Variants in DACH1 observed in about 807,000 individuals in gnomAD.
DACH1 encodes the protein dachshund homolog 1.
In DACH1, 12 loss-of-function variants were observed where a neutral mutation model predicts 54.2. The ratio of observed to expected loss-of-function variants is 0.22; its 90% CI spans 0.14 to 0.36. The LOEUF (loss-of-function observed/expected upper bound fraction) is 0.36. Ranked by LOEUF, DACH1 falls within the 10% of genes least tolerant of loss-of-function variation. The pLI is 1.00. For missense variants in DACH1, 805 were observed against 929.8 expected (o/e 0.87, Z 1.75); for synonymous variants, 386 against 366.2 (o/e 1.05, Z -0.62).
chr13:71,547,401 G>A (rs1171531871), intron 6 of DACH1, among the ~76,000 whole-genome samples: 1 of 152,038 alleles, frequency 6.6e-6, no homozygotes, highest in East Asian at 1.9e-4. Flanking sequence ...TCCCATGAAA[G>A]GTGCTTTTGG....
At chr13:71,449,800 A>G (rs960746396) in intron 10 of DACH1, among the ~76,000 whole-genome samples, 9 of 151,858 alleles carry the variant, frequency 5.9e-5, no homozygotes, top group African/African-American at 1.9e-4. Context: ...CCGCTTTTAT[A>G]TATTTTTTCA....
chr13:71,611,260 T>C (rs1875309737), intron 3 of DACH1, among the ~76,000 whole-genome samples: 1 of 152,198 alleles, frequency 6.6e-6, no homozygotes, highest in Non-Finnish European at 1.5e-5. Flanking sequence ...AATTTGCGGT[T>C]TGTTATAATT....
intron 1 of DACH1, among the ~76,000 whole-genome samples, chr13:71,709,466 A>G (rs1292788132): frequency 6.6e-6 from 1 of 151,812 alleles, no homozygotes; most frequent in Non-Finnish European, 1.5e-5. Flanking sequence ...TGAATTGTCC[A>G]TTTTCCAGAG....
At chr13:71,859,475 C>T in intron 1 of DACH1, among the ~76,000 whole-genome samples, 1 of 151,732 alleles carries the variant, frequency 6.6e-6, no homozygotes, top group South Asian at 2.1e-4. Flanking sequence ...TTAATTGTAT[C>T]ATTAATTTGA....
At chr13:71,762,132 G>C (rs976351007) in intron 1 of DACH1, among the ~76,000 whole-genome samples, 2 of 152,122 alleles carry the variant, frequency 1.3e-5, no homozygotes, top group Non-Finnish European at 2.9e-5. Flanking sequence ...TAAAATAACT[G>C]GTCCAAGGTA....
intron 3 of DACH1, among the ~76,000 whole-genome samples, chr13:71,596,962 T>C (rs1406814574): frequency 6.6e-6 from 1 of 152,194 alleles, no homozygotes; most frequent in African/African-American, 2.4e-5. Flanking sequence ...CCAATATATA[T>C]TGCATGTAAA....
At position 71,482,038 on chromosome 13, in the gene DACH1, A is replaced by T. The variant is rs74570371; in HGVS notation, c.1723-2722T>A. Among the ~76,000 whole-genome samples, 582 of 152,340 alleles carry T rather than the reference A, an allele frequency of 3.8e-3. 5 individuals carry two copies. Among genetic ancestry groups the T allele is most frequent in the African/African-American group, 0.013 (525 of 41,568 alleles). On this transcript the variant is annotated intron_variant, in intron 7 of 10. Transcript: ENST00000613252. ...CTCCAAGGGGAGGATGGTTCTTAGG[A>T]TACTGAAGTCGGTTAATGACAAGTC...
At chr13:71,708,597 T>A (rs1283300913) in intron 1 of DACH1, among the ~76,000 whole-genome samples, 2 of 152,034 alleles carry the variant, frequency 1.3e-5, no homozygotes, top group African/African-American at 4.8e-5. Flanking sequence ...CTGAAGAATA[T>A]ATTAACATAT....
At chr13:71,729,265 C>T (rs1397285438) in intron 1 of DACH1, among the ~76,000 whole-genome samples, 1 of 151,810 alleles carries the variant, frequency 6.6e-6, no homozygotes, top group African/African-American at 2.4e-5. Flanking sequence ...TTTCATAGCC[C>T]CTTTAGATTA....
intron 1 of DACH1, among the ~76,000 whole-genome samples, chr13:71,808,768 T>C (rs1228535448): frequency 7.2e-5 from 11 of 152,176 alleles, no homozygotes; most frequent in Non-Finnish European, 1.5e-5. Flanking sequence ...CACTTTGACC[T>C]TCTCTGAATC....
chr13:71,559,574 G>A (rs149351090), intron 5 of DACH1, among the ~76,000 whole-genome samples: 1 of 152,088 alleles, frequency 6.6e-6, no homozygotes, highest in Non-Finnish European at 1.5e-5. Context: ...TATTTTCTCT[G>A]TTTCATAGCT....
intron 1 of DACH1, among the ~76,000 whole-genome samples, chr13:71,762,238 G>A (rs1227439450): frequency 6.6e-6 from 1 of 152,042 alleles, no homozygotes; most frequent in Non-Finnish European, 1.5e-5. Flanking sequence ...CCATATCGCT[G>A]GATCACAGTC....
intron 6 of DACH1, among the ~76,000 whole-genome samples, chr13:71,548,774 G>A (rs527918040): frequency 2.0e-5 from 3 of 151,862 alleles, no homozygotes; most frequent in South Asian, 4.2e-4. Flanking sequence ...AAAAGTAGCC[G>A]GTGTGGTGGC....
chr13:71,449,887 A>C (rs888289104), intron 10 of DACH1, among the ~76,000 whole-genome samples: 1 of 135,952 alleles, frequency 7.4e-6, no homozygotes, highest in Non-Finnish European at 1.5e-5. Context: ...ACATGGACAC[A>C]GGAAGGGGAA....
Position 71,551,212 on chromosome 13 carries a change from TAC to T in DACH1, c.1570+5810_1570+5811del, listed in dbSNP as rs1883795150. Among the ~76,000 whole-genome samples, 3 of 152,226 alleles carry T rather than the reference TAC, an allele frequency of 2.0e-5. No homozygotes were observed. The South Asian group carries it at 6.2e-4, about 32-fold the overall frequency. On this transcript the variant is annotated intron_variant, in intron 6 of 10. Transcript: ENST00000613252. ...ATAATAGATGTATATATTTTGGGAG[TAC>T]ATGCGATAGTTTAAGACATTTACAT...
intron 1 of DACH1, among the ~76,000 whole-genome samples, chr13:71,861,290 T>G (rs1195889682): frequency 6.6e-6 from 1 of 151,922 alleles, no homozygotes; most frequent in Non-Finnish European, 1.5e-5. Context: ...TATGTACAAA[T>G]CAAATTTCTT....
At chr13:71,778,106 A>G (rs1178472809) in intron 1 of DACH1, among the ~76,000 whole-genome samples, 3 of 147,342 alleles carry the variant, frequency 2.0e-5, no homozygotes, top group African/African-American at 7.5e-5. Context: ...AAATAAATAA[A>G]TAAATAAATA....
At chr13:71,531,390 A>C (rs1882405501) in intron 6 of DACH1, among the ~76,000 whole-genome samples, 2 of 152,052 alleles carry the variant, frequency 1.3e-5, no homozygotes, top group Admixed American at 1.3e-4. Context: ...AATAAAGAAG[A>C]GATATTTGTC....
intron 6 of DACH1, among the ~76,000 whole-genome samples, chr13:71,521,143 A>AT (rs1881569978): frequency 6.6e-6 from 1 of 152,000 alleles, no homozygotes; most frequent in East Asian, 1.9e-4. Flanking sequence ...TATTATCTTC[A>AT]TTTGTAAAAT....
Sources: allele counts gnomAD v4.1 joint callset (sites outside exome capture counted in the v4.1 genomes callset), GRCh38; gene constraint gnomAD v4.1.1; transcripts MANE v1.5; gene names NCBI Gene and HGNC (gene_info 2026-07-23, HGNC 2026-07-21).